DNAJC1: variants seen among roughly 807,000 people sequenced by gnomAD.
DNAJC1 encodes the protein dnaJ homolog subfamily C member 1.
A neutral mutation model predicts 76.6 loss-of-function variants in DNAJC1; 58 were observed. That is an observed-to-expected ratio of 0.76 (90% confidence interval 0.61 to 0.94). The LOEUF (loss-of-function observed/expected upper bound fraction) is 0.94. Ranked by LOEUF, DNAJC1 falls within the 40% of genes least tolerant of loss-of-function variation. The pLI is 0.00. For synonymous variants in DNAJC1, 258 were observed against 267.9 expected (o/e 0.96, Z 0.36); for missense variants, 689 against 677.3 (o/e 1.02, Z -0.19).
intron 1 of DNAJC1, among the ~76,000 whole-genome samples, chr10:21,965,418 A>C (rs1446051633): frequency 6.6e-6 from 1 of 152,198 alleles, no homozygotes; most frequent in African/African-American, 2.4e-5. Context: ...CATTGATGCA[A>C]TACTACTGTC....
intron 1 of DNAJC1, among the ~76,000 whole-genome samples, chr10:21,991,524 C>G (rs1838326824): frequency 6.6e-6 from 1 of 152,024 alleles, no homozygotes; most frequent in African/African-American, 2.4e-5. Flanking sequence ...ACAATTGGAA[C>G]AACCTAAAAA....
At chr10:21,821,995 G>A (rs1835166953) in intron 8 of DNAJC1, among the ~76,000 whole-genome samples, 1 of 152,052 alleles carries the variant, frequency 6.6e-6, no homozygotes, top group African/African-American at 2.4e-5. Context: ...TTTATCAAAG[G>A]TCATATTATT....
At chr10:21,783,225 G>A (rs373538995) in intron 9 of DNAJC1, among the ~76,000 whole-genome samples, 1 of 151,988 alleles carries the variant, frequency 6.6e-6, no homozygotes, top group Non-Finnish European at 1.5e-5. Context: ...AAATCAATGT[G>A]CAAAAATCAC....
intron 9 of DNAJC1, 87 bp downstream of exon 9, chr10:21,805,893 A>G: frequency 6.5e-7 from 1 of 1,541,198 alleles, no homozygotes; most frequent in Non-Finnish European, 8.9e-7. Flanking sequence ...CCCCAAAGAT[A>G]CTGTGGAACC....
chr10:21,933,939 A>G (rs1837269117), intron 1 of DNAJC1, among the ~76,000 whole-genome samples: 2 of 152,188 alleles, frequency 1.3e-5, no homozygotes, highest in East Asian at 3.8e-4. Flanking sequence ...ATAATAAGCA[A>G]CTATGTTACA....
At chr10:21,797,513 A>G (rs1229308988) in intron 9 of DNAJC1, among the ~76,000 whole-genome samples, 1 of 152,216 alleles carries the variant, frequency 6.6e-6, no homozygotes, top group East Asian at 1.9e-4. Flanking sequence ...AAAATTTTAA[A>G]ACAAATGAGT....
At chr10:21,916,597 G>C (rs1157079952) in intron 6 of DNAJC1, among the ~76,000 whole-genome samples, 1 of 152,124 alleles carries the variant, frequency 6.6e-6, no homozygotes, top group Non-Finnish European at 1.5e-5. Flanking sequence ...TTTATTCTTA[G>C]AGCCTTAACA....
At chr10:21,839,362 A>T (rs1293932887) in intron 8 of DNAJC1, among the ~76,000 whole-genome samples, 1 of 152,206 alleles carries the variant, frequency 6.6e-6, no homozygotes, top group Non-Finnish European at 1.5e-5. Flanking sequence ...AACAAGACTA[A>T]TTAAGAAGAA....
At chr10:21,880,731 A>T (rs1836261034) in intron 8 of DNAJC1, among the ~76,000 whole-genome samples, 1 of 152,168 alleles carries the variant, frequency 6.6e-6, no homozygotes, top group African/African-American at 2.4e-5. Context: ...GATAGAATGG[A>T]TTTAGCATAA....
intron 1 of DNAJC1, among the ~76,000 whole-genome samples, chr10:21,959,249 T>C (rs1360338488): frequency 2.0e-5 from 3 of 152,028 alleles, no homozygotes; most frequent in East Asian, 3.9e-4. Context: ...CTTAGCCTCC[T>C]GAGTAGCTGG....
chr10:21,918,711 G>T, intron 6 of DNAJC1, 68 bp downstream of exon 6: 1 of 1,181,048 alleles, frequency 8.5e-7, no homozygotes, highest in Non-Finnish European at 1.3e-6. Flanking sequence ...AGCCGACATG[G>T]GCATAAATTA....
chr10:21,957,819 A>T (rs1234815041), intron 1 of DNAJC1, among the ~76,000 whole-genome samples: 3 of 152,182 alleles, frequency 2.0e-5, no homozygotes, highest in African/African-American at 7.2e-5. Flanking sequence ...TATTTTTTTA[A>T]AAATGTGCTT....
At chr10:21,979,020 T>C (rs1273839943) in intron 1 of DNAJC1, among the ~76,000 whole-genome samples, 1 of 152,046 alleles carries the variant, frequency 6.6e-6, no homozygotes, top group Non-Finnish European at 1.5e-5. Context: ...CGGAATGATA[T>C]TCTTATAATG....
intron 8 of DNAJC1, among the ~76,000 whole-genome samples, chr10:21,838,104 G>A (rs866727987): frequency 4.1e-4 from 62 of 152,048 alleles, no homozygotes; most frequent in Admixed American, 7.8e-4. Context: ...CTGCCCGGCC[G>A]CCACCCCGTC....
intron 8 of DNAJC1, among the ~76,000 whole-genome samples, chr10:21,848,291 A>G (rs1835693176): frequency 6.6e-6 from 1 of 152,150 alleles, no homozygotes; most frequent in Admixed American, 6.5e-5. Flanking sequence ...TCATTTGCTC[A>G]TTTTAAAATC....
chr10:21,944,305 C>T (rs960724038), intron 1 of DNAJC1, among the ~76,000 whole-genome samples: 1 of 151,950 alleles, frequency 6.6e-6, no homozygotes, highest in Non-Finnish European at 1.5e-5. Flanking sequence ...TTCTTTACAT[C>T]TCTGAAATTA....
intron 1 of DNAJC1, among the ~76,000 whole-genome samples, chr10:21,949,146 GGAAAT>G (rs1837552363): frequency 1.3e-5 from 2 of 152,206 alleles, no homozygotes; most frequent in South Asian, 2.1e-4. Flanking sequence ...TTCCAGGAAA[GGAAAT>G]GAAATAACTG....
At chr10:21,757,561 G>A (rs1314892098) in intron 11 of DNAJC1, among the ~76,000 whole-genome samples, 1 of 152,222 alleles carries the variant, frequency 6.6e-6, no homozygotes, top group East Asian at 1.9e-4. Context: ...GGTGTTATGA[G>A]AGTCTCTTCT....
At chr10:21,756,976 C>A (rs564576387) in intron 11 of DNAJC1, among the ~76,000 whole-genome samples, 1 of 152,116 alleles carries the variant, frequency 6.6e-6, no homozygotes, top group African/African-American at 2.4e-5. Flanking sequence ...AGGTGCTTGG[C>A]GTGGAGTGAG....
Sources: allele counts gnomAD v4.1 joint callset (sites outside exome capture counted in the v4.1 genomes callset), GRCh38; gene constraint gnomAD v4.1.1; transcripts MANE v1.5; gene names NCBI Gene and HGNC (gene_info 2026-07-23, HGNC 2026-07-21).